The following WDR89 variants were observed in gnomAD, a reference collection of about 807,000 sequenced individuals.
WDR89 encodes WD repeat domain 89.
In WDR89, 17 loss-of-function variants were observed where a neutral mutation model predicts 29.1. The observed-to-expected ratio is 0.58, with a 90% CI of 0.40 to 0.88. The LOEUF (loss-of-function observed/expected upper bound fraction) is 0.88. WDR89 is among the 40% of genes least tolerant of loss of function. The probability of loss-of-function intolerance (pLI) is 0.00; values close to 1 mark genes in which losing one functional copy is unlikely to be tolerated. For missense variants in WDR89, 396 were observed against 456.3 expected (o/e 0.87, Z 1.20); for synonymous variants, 138 against 157.8 (o/e 0.87, Z 0.94).
rs1431206159 is a variant in WDR89, at chr14:63,625,044, A to C, written c.-137-11T>G. On this transcript the variant is annotated splice_polypyrimidine_tract_variant and intron_variant, in intron 1 of 2. Coordinates refer to ENST00000620954, the MANE Select transcript of WDR89 (RefSeq NM_080666.4). The stretch of plus-strand genomic sequence containing the variant: ...ATAATAGCCAAATACCTAGAAAAAA[A>C]CAGAAATACGGGTAAGCTTAAGCAC... 1 of 152,186 alleles carries C rather than the reference A, an allele frequency of 6.6e-6. No homozygotes were observed. The highest frequency in any genetic ancestry group is 1.5e-5 in the Non-Finnish European group (1 of 68,042). The allele number at this position is 152,186 out of a possible 1,614,324, so 9.4% of individuals were successfully genotyped here.
At chr14:63,628,929 AC>A (rs1883231054) in intron 1 of WDR89, among the ~76,000 whole-genome samples, 1 of 150,510 alleles carries the variant, frequency 6.6e-6, no homozygotes, top group Non-Finnish European at 1.5e-5. Flanking sequence ...ACAATGTGAG[AC>A]CCTGTCTCAA....
chr14:63,623,061 C>G (rs1171353382), intron 2 of WDR89, among the ~76,000 whole-genome samples: 1 of 148,666 alleles, frequency 6.7e-6, no homozygotes, highest in African/African-American at 2.5e-5. Flanking sequence ...TAGCCAGGCA[C>G]AGTGGCAGGT....
chr14:63,622,390 G>A (rs1435889967), intron 2 of WDR89, among the ~76,000 whole-genome samples: 1 of 152,080 alleles, frequency 6.6e-6, no homozygotes, highest in Non-Finnish European at 1.5e-5. Context: ...GACCAGCCAG[G>A]CCAACATGGT....
chr14:63,598,419 T>G lies in WDR89; in HGVS notation c.*360A>C, dbSNP rs1894886672. On this transcript the variant is annotated 3_prime_UTR_variant, in exon 3 of 3. Transcript: ENST00000620954. ...TATACACAATAAAGACAATTTAAAA[T>G]GTAAAAAACTGGGCTTAAAAAATGC... 6.0e-6 allele frequency: 1 copy of G among 167,376 alleles called. No homozygotes were observed. Among genetic ancestry groups the G allele is most frequent in the South Asian group, 1.8e-4 (1 of 5,438 alleles). 10.4% of individuals were successfully genotyped at this position (167,376 alleles called of 1,614,324 possible).
chr14:63,601,767 T>C, intron 2 of WDR89: 1 of 1,299,702 alleles, frequency 7.7e-7, no homozygotes. Flanking sequence ...TGACAAGGAT[T>C]ATTTCCTATT....
At chr14:63,624,511 T>A (rs113317699) in intron 2 of WDR89, among the ~76,000 whole-genome samples, 38 of 136,836 alleles carry the variant, frequency 2.8e-4, no homozygotes, top group South Asian at 1.2e-3. Context: ...AAGAAATATT[T>A]AAAAAAAAAA....
At chr14:63,632,750 G>C (rs1198503436) in intron 1 of WDR89, among the ~76,000 whole-genome samples, 4 of 152,000 alleles carry the variant, frequency 2.6e-5, no homozygotes, top group Non-Finnish European at 5.9e-5. Context: ...CCCTATAATA[G>C]AGAAAAATGA....
chr14:63,622,898 C>G (rs1022045126), intron 2 of WDR89, among the ~76,000 whole-genome samples: 2 of 152,118 alleles, frequency 1.3e-5, no homozygotes, highest in Admixed American at 1.3e-4. Context: ...TAGATTTTAA[C>G]AAGTCAAAAA....
At chr14:63,619,876 G>A (rs898870477) in intron 2 of WDR89, among the ~76,000 whole-genome samples, 1 of 151,846 alleles carries the variant, frequency 6.6e-6, no homozygotes, top group Non-Finnish European at 1.5e-5. Context: ...ATGGTAGCAC[G>A]TGCCTATAAT....
Position 63,617,764 on chromosome 14 carries a change from C to T in WDR89, c.-32+7164G>A, listed in dbSNP as rs181922720. Among the ~76,000 whole-genome samples the T allele has an allele frequency of 4.6e-5, 7 of 151,480 alleles. No individual in the cohort carries two copies. The East Asian group carries it at 9.9e-4, about 21-fold the overall frequency. Reference sequence around the variant, plus strand: ...CCTCCCAAAATGCTGGTATTGCAGGCATGAGCCACTGCGCCTGGCCTAGAA... The same window carrying T: ...CCTCCCAAAATGCTGGTATTGCAGGTATGAGCCACTGCGCCTGGCCTAGAA... On this transcript the variant is annotated intron_variant, in intron 2 of 2. Transcript: ENST00000620954.
chr14:63,637,952 A>AT (rs1013382698), intron 1 of WDR89, among the ~76,000 whole-genome samples: 29 of 147,676 alleles, frequency 2.0e-4, no homozygotes, highest in Admixed American at 4.7e-4. Flanking sequence ...TTACGGAAAA[A>AT]TTTTTTTTTT....
Position 63,606,914 on chromosome 14 carries a change from T to C in WDR89, c.-31-6941A>G, listed in dbSNP as rs569951399. ...TCTGGTTTGAAATTCAAGTTGTAACTTCAAAACCTGTGAATCTGTGTTCAT... is the reference window on the plus strand; with the variant it reads ...TCTGGTTTGAAATTCAAGTTGTAACCTCAAAACCTGTGAATCTGTGTTCAT... On this transcript the variant is annotated intron_variant, in intron 2 of 2. Coordinates refer to ENST00000620954, the MANE Select transcript of WDR89 (RefSeq NM_080666.4). 7.9e-5 allele frequency among the ~76,000 whole-genome samples: 12 copies of C among 152,346 alleles called. No individual in the cohort carries two copies. In the Middle Eastern group the frequency reaches 0.014, roughly 173 times the overall value.
rs771389100 is a variant in WDR89 at position 63,599,857 on chromosome 14, A to C, written c.86T>G (p.Ile29Arg). 6.2e-7 allele frequency: 1 copy of C among 1,614,154 alleles called. No individual in the cohort carries two copies. The highest frequency in any genetic ancestry group is 8.5e-7 in the Non-Finnish European group (1 of 1,180,014). Residue 29 changes from isoleucine (I) to arginine (R), a missense_variant, in exon 3 of 3, where the codon ATA becomes AGA. Transcript: ENST00000620954. ...TGCTTGGACAGTCTTTGATGTGTCT[A>C]TACCAAGAAGGTAAGTGGGCTCTTT... is the stretch of plus-strand genomic sequence containing the variant. ...GTKEPTYLLG[I>R]DTSKTVQAGK...
intron 2 of WDR89, among the ~76,000 whole-genome samples, chr14:63,618,527 C>T (rs1451100908): frequency 6.6e-6 from 1 of 151,896 alleles, no homozygotes; most frequent in Non-Finnish European, 1.5e-5. Context: ...AATAAGAAAG[C>T]AGAAATACAA....
rs1351907625 is a variant in WDR89, at chr14:63,624,927, C to G, written c.-32+1G>C. The G allele has an allele frequency of 1.3e-5, 2 of 152,082 alleles. No individual in the cohort carries two copies. Among genetic ancestry groups the G allele is most frequent in the African/African-American group, 4.8e-5 (2 of 41,408 alleles). The allele number at this position is 152,082 out of a possible 1,614,324, so 9.4% of individuals were successfully genotyped here. A position where few individuals can be genotyped will look rare whatever the true frequency, so the allele number is the denominator to read the frequency against. ...TGTTTAAAAGTTAAATACATACTTA[C>G]CCAGCAAGCCCACTTTTAGGTATTT... On this transcript the variant is annotated splice_donor_variant, in intron 2 of 2. Transcript: ENST00000620954. LOFTEE classifies it low-confidence loss of function (5UTR_SPLICE).
At chr14:63,619,099 A>G (rs1196348269) in intron 2 of WDR89, among the ~76,000 whole-genome samples, 2 of 152,206 alleles carry the variant, frequency 1.3e-5, no homozygotes, top group Admixed American at 1.3e-4. Context: ...CTGTGGAAAG[A>G]GCACCAACGG....
chr14:63,638,517 C>G (rs1019773304), intron 1 of WDR89, among the ~76,000 whole-genome samples: 1 of 152,188 alleles, frequency 6.6e-6, no homozygotes, highest in African/African-American at 2.4e-5. Context: ...AAAACAGCAT[C>G]AACCATGAAC....
intron 2 of WDR89, among the ~76,000 whole-genome samples, chr14:63,617,488 CTCTT>C (rs1362801903): frequency 6.6e-6 from 1 of 151,966 alleles, no homozygotes; most frequent in Non-Finnish European, 1.5e-5. Flanking sequence ...CAATAGAATT[CTCTT>C]TTTTTGTTGT....
chr14:63,601,653 G>A (rs1895070406), intron 2 of WDR89: 1 of 1,613,230 alleles, frequency 6.2e-7, no homozygotes, highest in Non-Finnish European at 8.5e-7. Context: ...AGTCGCTGTT[G>A]GATCGGGTTC....
Sources: gnomAD v4.1 joint callset for allele counts (sites outside exome capture counted in the v4.1 genomes callset) on GRCh38, gnomAD v4.1.1 for gene constraint, MANE v1.5 for transcripts, NCBI Gene and HGNC (gene_info 2026-07-23, HGNC 2026-07-21) for gene names.